EPHA8: variants seen among roughly 807,000 people sequenced by gnomAD.
EPHA8 encodes the protein ephrin type-A receptor 8.
EPHA8 carries 58 observed loss-of-function variants against 103.6 expected under a neutral mutation model. That is an observed-to-expected ratio of 0.56 (90% CI 0.45 to 0.70). The LOEUF is 0.70. EPHA8 is among the 30% of genes least tolerant of loss of function. EPHA8 has a pLI of 0.00. For missense variants in EPHA8, 1,304 were observed against 1,395.2 expected (o/e 0.93, Z 1.04); for synonymous variants, 559 against 572.5 (o/e 0.98, Z 0.34).
intron 1 of EPHA8, among the ~76,000 whole-genome samples, chr1:22,566,428 T>C (rs1223152135): frequency 1.3e-5 from 2 of 152,044 alleles, no homozygotes; most frequent in Non-Finnish European, 2.9e-5. Flanking sequence ...CCTTCCACAG[T>C]CGAACAGGAA....
rs1290533696 is a variant in EPHA8 at position 22,598,644 on chromosome 1, C to T, written c.2179-194C>T. Among the ~76,000 whole-genome samples the T allele has an allele frequency of 6.6e-6, 1 of 152,224 alleles. No homozygotes were observed. The highest frequency in any genetic ancestry group is 1.5e-5 in the Non-Finnish European group (1 of 68,032). ...AGTCATTGCTGCCCCACGTACCTCG[C>T]AGGGTTGCTGTGAGGGTAAATGAGA... On this transcript the variant is annotated intron_variant, in intron 12 of 16. Transcript: ENST00000166244. The surrounding 1 kb of genome is among the most constrained non-coding windows in gnomAD (Gnocchi z 5.1).
chr1:22,595,466 C>T, intron 8 of EPHA8, 143 bp downstream of exon 8: 1 of 620,044 alleles, frequency 1.6e-6, no homozygotes, highest in East Asian at 2.8e-5. Context: ...AACCTAGTGA[C>T]ATGCCAGTGA....
chr1:22,579,593 G>A (rs1640983862), intron 3 of EPHA8, among the ~76,000 whole-genome samples: 1 of 152,200 alleles, frequency 6.6e-6, no homozygotes, highest in Admixed American at 6.5e-5. Flanking sequence ...AACAGCAGGT[G>A]TCCAGCTGTT....
rs1330123469 is a variant in EPHA8, at chr1:22,589,203, G to T, written c.1312G>T (p.Ala438Ser). The T allele has an allele frequency of 6.2e-7, 1 of 1,613,952 alleles. No homozygotes were observed. The highest frequency in any genetic ancestry group is 1.3e-5 in the African/African-American group (1 of 75,070). The change falls in exon 5 of 17, where the codon GCA becomes TCA. Residue 438 changes from alanine (A) to serine (S), a missense_variant. By Grantham distance (99) the Ala-to-Ser change is moderately conservative (BLOSUM62 1). Transcript: ENST00000166244. This position sits in a 1 kb window ranked among gnomAD's most constrained non-coding sequence, Gnocchi z 4.3. The stretch of plus-strand genomic sequence containing the variant: ...TGTGGTCAACATCACCACGAACCAG[G>T]CAGGTAGGCGGAGAAACTCCGTCCC... Reference protein sequence around the residue: ...AAVVNITTNQAAPSQVVVIRQ... With the variant: ...AAVVNITTNQSAPSQVVVIRQ...
rs765990373 is a variant in EPHA8, at chr1:22,569,296, G to C, written c.102G>C (p.Leu34Phe). The C allele has an allele frequency of 1.2e-6, 2 of 1,613,076 alleles. No homozygotes were observed. The highest frequency in any genetic ancestry group is 1.7e-6 in the Non-Finnish European group (2 of 1,179,586). ...TTGTCTCCTGTTTTACAGTGAATTT[G>C]CTGGACACGTCGACCATCCACGGGG... ...CVSAARGEVN[L>F]LDTSTIHGDW... Residue 34 changes from leucine to phenylalanine, a missense_variant, in exon 2 of 17, where the codon TTG becomes TTC. By Grantham distance (22) the Leu-to-Phe change is conservative (BLOSUM62 0). Transcript: ENST00000166244. This position sits in a 1 kb window ranked among gnomAD's most constrained non-coding sequence, Gnocchi z 4.5.
intron 7 of EPHA8, among the ~76,000 whole-genome samples, chr1:22,594,213 C>T (rs892305205): frequency 1.3e-5 from 2 of 152,194 alleles, no homozygotes; most frequent in African/African-American, 4.8e-5. Flanking sequence ...AGGTGATCTC[C>T]CACCTTGGCC....
In EPHA8 at chr1:22,589,570, C is replaced by T; in HGVS notation, c.1315+364C>T. The T allele has an allele frequency of 2.2e-6, 3 of 1,335,496 alleles. No homozygotes were observed. Among genetic ancestry groups the T allele is most frequent in the Non-Finnish European group, 1.9e-6 (2 of 1,047,730 alleles). 82.7% of individuals were successfully genotyped at this position (1,335,496 alleles called of 1,614,324 possible). ...AAATGAGAGGAATGAAATTGCTTAGCCCAGCACCTGGCCCGTGGTAAATGC... is the reference window on the plus strand; with the variant it reads ...AAATGAGAGGAATGAAATTGCTTAGTCCAGCACCTGGCCCGTGGTAAATGC... On this transcript the variant is annotated intron_variant, in intron 5 of 16. Coordinates refer to ENST00000166244, the MANE Select transcript of EPHA8 (RefSeq NM_020526.5). The surrounding 1 kb of genome is among the most constrained non-coding windows in gnomAD (Gnocchi z 4.3).
At chr1:22,568,497 G>A (rs1640432138) in intron 1 of EPHA8, among the ~76,000 whole-genome samples, 1 of 152,228 alleles carries the variant, frequency 6.6e-6, no homozygotes, top group African/African-American at 2.4e-5. Flanking sequence ...CACCTGTGGG[G>A]CTCTTGGCAC....
intron 8 of EPHA8, among the ~76,000 whole-genome samples, 188 bp from the exon 9 acceptor site, chr1:22,595,918 C>T (rs574296149): frequency 1.3e-5 from 2 of 152,342 alleles, no homozygotes; most frequent in East Asian, 3.9e-4. Context: ...ACCATCATGG[C>T]GGTCACAGTT....
At chr1:22,580,093 C>T (rs1471759592) in intron 3 of EPHA8, among the ~76,000 whole-genome samples, 1 of 151,096 alleles carries the variant, frequency 6.6e-6, no homozygotes, top group Non-Finnish European at 1.5e-5. Context: ...CCTTTGAAGC[C>T]CTTCCCGGAG....
intron 3 of EPHA8, among the ~76,000 whole-genome samples, chr1:22,578,622 C>A (rs1304327920): frequency 8.0e-6 from 1 of 125,042 alleles, no homozygotes; most frequent in Non-Finnish European, 1.7e-5. Flanking sequence ...TGTATGTCTG[C>A]GTGTGTGCAT....
chr1:22,569,502 T>C lies in EPHA8; in HGVS notation c.159+149T>C, dbSNP rs147791270. On this transcript the variant is annotated intron_variant, in intron 2 of 16. Coordinates refer to ENST00000166244, the MANE Select transcript of EPHA8 (RefSeq NM_020526.5). The surrounding 1 kb of genome is among the most constrained non-coding windows in gnomAD (Gnocchi z 4.5). ...AAGGGCACACAGCAGTTAGTGCTGCTGATCTCTTAACAGTTTAGTGCATAC... is the reference window on the plus strand; with the variant it reads ...AAGGGCACACAGCAGTTAGTGCTGCCGATCTCTTAACAGTTTAGTGCATAC... The C allele has an allele frequency of 2.3e-3, 1,792 of 784,768 alleles. 20 individuals carry two copies. In the African/African-American group the frequency reaches 0.026, roughly 12 times the overall value. 48.6% of individuals were successfully genotyped at this position (784,768 alleles called of 1,614,324 possible). A position where few individuals can be genotyped will look rare whatever the true frequency, so the allele number is the denominator to read the frequency against.
rs1251390677 is a variant in EPHA8, at chr1:22,603,117, C to G, written c.*1376C>G. On this transcript the variant is annotated 3_prime_UTR_variant, in exon 17 of 17. Coordinates refer to ENST00000166244, the MANE Select transcript of EPHA8 (RefSeq NM_020526.5). Reference sequence around the variant, plus strand: ...GCAGGCAGGGAAGCAGGAACCCCACCGTGTGCCCCCTGCCAGCCCCAGAGG... The same window carrying G: ...GCAGGCAGGGAAGCAGGAACCCCACGGTGTGCCCCCTGCCAGCCCCAGAGG... 3 of 152,500 alleles carry G rather than the reference C, an allele frequency of 2.0e-5. No individual in the cohort carries two copies. Among genetic ancestry groups the G allele is most frequent in the African/African-American group, 7.2e-5 (3 of 41,458 alleles). 9.4% of individuals were successfully genotyped at this position (152,500 alleles called of 1,614,324 possible). A position where few individuals can be genotyped will look rare whatever the true frequency, so the allele number is the denominator to read the frequency against.
At chr1:22,565,120 C>A (rs777044264) in intron 1 of EPHA8, among the ~76,000 whole-genome samples, 1 of 152,190 alleles carries the variant, frequency 6.6e-6, no homozygotes, top group East Asian at 1.9e-4. Context: ...TGTACATGCA[C>A]GTACAGATGC....
At chr1:22,599,633 G>T (rs561402413) in intron 13 of EPHA8, among the ~76,000 whole-genome samples, 1 of 84,684 alleles carries the variant, frequency 1.2e-5, no homozygotes, top group South Asian at 4.6e-4. Flanking sequence ...AGGGAAGGAA[G>T]GAAGGGAGGG....
At chr1:22,588,734 T>C (rs1570007375) in intron 4 of EPHA8, 137 bp from the exon 5 acceptor site, 1 of 1,446,914 alleles carries the variant, frequency 6.9e-7, no homozygotes, top group African/African-American at 1.4e-5. Context: ...GAGGATGGAG[T>C]AGATGTGGAC....
chr1:22,570,330 G>GCA (rs60282530), intron 2 of EPHA8, among the ~76,000 whole-genome samples: 64,507 of 146,564 alleles, frequency 0.44, 15,346 homozygotes, highest in African/African-American at 0.65. Context: ...ATGCACACAC[G>GCA]CACATGCACA....
At position 22,598,862 on chromosome 1, in the gene EPHA8, A is replaced by G. The variant is rs200018942; in HGVS notation, c.2203A>G (p.Met735Val). The change falls in exon 13 of 17, where the codon ATG (methionine) becomes GTG (valine). Residue 735 changes from methionine (M) to valine (V), a missense_variant. Physicochemically the swap from Met to Val is conservative, Grantham distance 21. Transcript: ENST00000166244. The surrounding 1 kb of genome is among the most constrained non-coding windows in gnomAD (Gnocchi z 5.1). ...GACCCACGACGGGCAGTTCACCATCATGCAGCTGGTGGGCATGCTGAGAGG... is the reference window on the plus strand; with the variant it reads ...GACCCACGACGGGCAGTTCACCATCGTGCAGCTGGTGGGCATGCTGAGAGG... ...LRTHDGQFTI[M>V]QLVGMLRGVG... 4.3e-6 allele frequency: 7 copies of G among 1,612,846 alleles called. No individual in the cohort carries two copies. Among genetic ancestry groups the G allele is most frequent in the Admixed American group, 3.3e-5 (2 of 60,000 alleles).
Position 22,593,357 on chromosome 1 carries a change from GC to G in EPHA8, c.1348del (p.Arg450GlyfsTer99). ...CCCAGGTGGTGGTGATCCGTCAAGA[GC>G]GGGCGGGGCAGACCAGCGTCTCGCT... ...PSQVVVIRQE[R>X]AGQTSVSLLW... On this transcript the variant is annotated frameshift_variant, in exon 6 of 17. Coordinates refer to ENST00000166244, the MANE Select transcript of EPHA8 (RefSeq NM_020526.5). LOFTEE classifies it high-confidence loss of function. The G allele has an allele frequency of 6.3e-7, 1 of 1,582,498 alleles. No homozygotes were observed. Among genetic ancestry groups the G allele is most frequent in the Non-Finnish European group, 8.6e-7 (1 of 1,164,328 alleles).
Sources: allele counts gnomAD v4.1 joint callset (sites outside exome capture counted in the v4.1 genomes callset), GRCh38; gene constraint gnomAD v4.1.1; non-coding constraint Gnocchi (gnomAD v3.1); transcripts MANE v1.5; gene names NCBI Gene and HGNC (gene_info 2026-07-23, HGNC 2026-07-21).